CHD9: variants seen among roughly 807,000 people sequenced by gnomAD.
CHD9 encodes the protein chromodomain helicase DNA binding protein 9, also known as ATP-dependent chromatin remodeler CHD9.
A neutral mutation model predicts 316.1 loss-of-function variants in CHD9; 77 were observed. That is an observed-to-expected ratio of 0.24 (90% CI 0.20 to 0.29). The LOEUF (loss-of-function observed/expected upper bound fraction) is 0.29, where lower values mean the gene tolerates loss of function less well. CHD9 is among the 10% of genes least tolerant of loss of function. The probability of loss-of-function intolerance (pLI) is 1.00; values close to 1 mark genes in which losing one functional copy is unlikely to be tolerated. For missense variants in CHD9, 2,763 were observed against 3,438.1 expected (o/e 0.80, Z 4.91); for synonymous variants, 1,129 against 1,158.3 (o/e 0.97, Z 0.51).
chr16:53,088,275 CTTTG>C (rs1567318532), intron 1 of CHD9, among the ~76,000 whole-genome samples: 1 of 127,050 alleles, frequency 7.9e-6, no homozygotes, highest in South Asian at 2.5e-4. Flanking sequence ...ATGACATGCA[CTTTG>C]TTTTTTTTTT....
intron 2 of CHD9, among the ~76,000 whole-genome samples, chr16:53,188,826 C>A (rs2044254467): frequency 6.6e-6 from 1 of 151,840 alleles, no homozygotes; most frequent in Non-Finnish European, 1.5e-5. Context: ...CTCAGGTGAT[C>A]TGCCCACCTC....
intron 1 of CHD9, among the ~76,000 whole-genome samples, chr16:53,116,228 T>G (rs941873669): frequency 6.6e-6 from 1 of 152,120 alleles, no homozygotes; most frequent in African/African-American, 2.4e-5. Context: ...TCCGGCTAAT[T>G]TTTGTATTTT....
chr16:53,207,255 A>G (rs1239411097), intron 2 of CHD9, among the ~76,000 whole-genome samples: 7 of 152,234 alleles, frequency 4.6e-5, no homozygotes, highest in Non-Finnish European at 1.0e-4. Flanking sequence ...ATCAATTTTT[A>G]TAGAAAGAAA....
chr16:53,321,077 G>A (rs1455262927), intron 37 of CHD9: 4 of 420,266 alleles, frequency 9.5e-6, no homozygotes, highest in East Asian at 7.4e-5. Context: ...TTATGTGACA[G>A]GCATTATGCT....
chr16:53,190,632 C>G (rs150603584), intron 2 of CHD9, among the ~76,000 whole-genome samples: 2 of 152,092 alleles, frequency 1.3e-5, no homozygotes, highest in Non-Finnish European at 2.9e-5. Context: ...TCTGAGAACA[C>G]TTTCAAGTCT....
At chr16:53,186,426 G>A (rs1221298805) in intron 2 of CHD9, among the ~76,000 whole-genome samples, 2 of 152,200 alleles carry the variant, frequency 1.3e-5, no homozygotes, top group Non-Finnish European at 2.9e-5. Flanking sequence ...TATCTAGGAA[G>A]TAACTAACTG....
intron 2 of CHD9, among the ~76,000 whole-genome samples, chr16:53,161,935 G>A (rs1031768327): frequency 4.6e-5 from 7 of 152,010 alleles, no homozygotes; most frequent in African/African-American, 1.4e-4. Context: ...GTATTTTTTT[G>A]TAGAGATGGG....
intron 34 of CHD9, among the ~76,000 whole-genome samples, chr16:53,310,624 G>T (rs1323672985): frequency 1.3e-5 from 2 of 151,432 alleles, no homozygotes; most frequent in African/African-American, 2.4e-5. Flanking sequence ...GAGGCAGGCG[G>T]ATCACCTGAG....
intron 2 of CHD9, among the ~76,000 whole-genome samples, chr16:53,186,081 C>T (rs2043978097): frequency 6.6e-6 from 1 of 152,188 alleles, no homozygotes; most frequent in Admixed American, 6.5e-5. Flanking sequence ...GATCACCATC[C>T]TCCAGACCCC....
intron 2 of CHD9, among the ~76,000 whole-genome samples, chr16:53,207,589 A>G (rs767263672): frequency 2.0e-5 from 3 of 152,064 alleles, no homozygotes; most frequent in Non-Finnish European, 4.4e-5. Flanking sequence ...AACCTTATCT[A>G]ACTTCTTAAA....
chr16:53,256,298 A>G (rs2050582900), intron 19 of CHD9, among the ~76,000 whole-genome samples: 3 of 151,942 alleles, frequency 2.0e-5, no homozygotes, highest in Admixed American at 2.0e-4. Flanking sequence ...GTATTTTGGA[A>G]GGAAACATTA....
chr16:53,266,576 A>G (rs1409426739), intron 20 of CHD9, among the ~76,000 whole-genome samples: 1 of 152,194 alleles, frequency 6.6e-6, no homozygotes, highest in Non-Finnish European at 1.5e-5. Context: ...ATCATAAAAA[A>G]TTTCATCCCA....
chr16:53,117,966 C>T (rs193231903), intron 1 of CHD9, among the ~76,000 whole-genome samples: 3 of 152,074 alleles, frequency 2.0e-5, no homozygotes, highest in East Asian at 3.9e-4. Context: ...GCTGGGACTA[C>T]AGGCACCCGC....
At chr16:53,240,793 T>C (rs1464309635) in intron 12 of CHD9, among the ~76,000 whole-genome samples, 1 of 152,168 alleles carries the variant, frequency 6.6e-6, no homozygotes, top group Non-Finnish European at 1.5e-5. Flanking sequence ...CTAAACAGTT[T>C]ACATATATTA....
chr16:53,182,638 A>T lies in CHD9; in HGVS notation c.1452+25097A>T, dbSNP rs202182650. Among the ~76,000 whole-genome samples, 8 of 152,242 alleles carry T rather than the reference A, an allele frequency of 5.3e-5. 1 individual carries two copies. In the East Asian group the frequency reaches 1.2e-3, roughly 22 times the overall value. ...ACAGGTTTGTGTTATAGATGAGCCA[A>T]TTTTTTTCCATATTTCTGAGTTTTA... On this transcript the variant is annotated intron_variant, in intron 2 of 38. Transcript: ENST00000447540.
chr16:53,254,127 A>G (rs1230918808), intron 17 of CHD9, among the ~76,000 whole-genome samples: 1 of 152,168 alleles, frequency 6.6e-6, no homozygotes, highest in Non-Finnish European at 1.5e-5. Flanking sequence ...CAGTGAGCCA[A>G]GATCGCACGA....
chr16:53,201,156 T>C (rs2045421904), intron 2 of CHD9, among the ~76,000 whole-genome samples: 1 of 152,196 alleles, frequency 6.6e-6, no homozygotes, highest in Non-Finnish European at 1.5e-5. Context: ...TTGGGGATAA[T>C]TTATGGACTG....
chr16:53,252,668 T>C (rs887730908), intron 17 of CHD9, among the ~76,000 whole-genome samples: 1 of 136,252 alleles, frequency 7.3e-6, no homozygotes, highest in Admixed American at 7.5e-5. Context: ...AGTGCTAATA[T>C]CCAGAATCTA....
chr16:53,303,828 A>T lies in CHD9; in HGVS notation c.5822A>T (p.His1941Leu). ...AAAGTACGGGAACAGGCCCTTCGAC[A>T]TCCACAGTTGTTTGAACGCTTGAAG... ...LRKVREQALR[H>L]PQLFERLKLC... The change falls in exon 31 of 39, where the codon CAT becomes CTT. Residue 1941 changes from histidine to leucine, a missense_variant. By Grantham distance (99) the His-to-Leu change is moderately conservative. Transcript: ENST00000447540. 2 of 1,614,018 alleles carry T rather than the reference A, an allele frequency of 1.2e-6. No individual in the cohort carries two copies. Among genetic ancestry groups the T allele is most frequent in the East Asian group, 2.2e-5 (1 of 44,884 alleles).
Sources: gnomAD v4.1 joint callset for allele counts (sites outside exome capture counted in the v4.1 genomes callset) on GRCh38, gnomAD v4.1.1 for gene constraint, MANE v1.5 for transcripts, NCBI Gene and HGNC (gene_info 2026-07-23, HGNC 2026-07-21) for gene names.